Variants in NALCN observed in about 807,000 individuals in gnomAD.
The protein encoded by NALCN is sodium leak channel NALCN.
Under a neutral mutation model 225.3 loss-of-function variants are expected in NALCN, and 111 were observed. The ratio of observed to expected loss-of-function variants is 0.49; its 90% confidence interval spans 0.42 to 0.58. The LOEUF is 0.58. NALCN is among the 20% of genes least tolerant of loss of function. The pLI is 0.00. For synonymous variants in NALCN, 764 were observed against 769.0 expected, an observed-to-expected ratio of 0.99 and a Z score of 0.11; for missense variants, 1,378 against 2,202.4, an observed-to-expected ratio of 0.63 and a Z score of 7.49.
chr13:101,241,723 G>T (rs564627794), intron 11 of NALCN, among the ~76,000 whole-genome samples: 1 of 152,078 alleles, frequency 6.6e-6, no homozygotes, highest in Non-Finnish European at 1.5e-5. Flanking sequence ...GATTACAGGC[G>T]TGAGCCACCA....
At chr13:101,289,525 C>CATATATATATATAT (rs10549837) in intron 9 of NALCN, among the ~76,000 whole-genome samples, 3,078 of 140,518 alleles carry the variant, frequency 0.022, 49 homozygotes, top group Non-Finnish European at 0.032. Context: ...TGAAAATGTG[C>CATATATATATATAT]ATATATATAT....
intron 10 of NALCN, among the ~76,000 whole-genome samples, chr13:101,269,536 G>A (rs1310846937): frequency 1.3e-5 from 2 of 152,202 alleles, no homozygotes; most frequent in Non-Finnish European, 2.9e-5. Flanking sequence ...GAGGGATGCT[G>A]TAACCTAGAT....
At chr13:101,224,342 G>C (rs960761100) in intron 13 of NALCN, among the ~76,000 whole-genome samples, 1 of 152,130 alleles carries the variant, frequency 6.6e-6, no homozygotes, top group African/African-American at 2.4e-5. Context: ...ATCAGTTTCT[G>C]ACTGTTCTAT....
intron 6 of NALCN, among the ~76,000 whole-genome samples, chr13:101,362,255 T>G (rs968722719): frequency 6.6e-6 from 1 of 152,102 alleles, no homozygotes; most frequent in Non-Finnish European, 1.5e-5. Context: ...AAACAGTTTA[T>G]ACATATGGAT....
intron 30 of NALCN, among the ~76,000 whole-genome samples, chr13:101,085,292 T>C (rs1433992240): frequency 6.6e-6 from 1 of 152,110 alleles, no homozygotes; most frequent in Non-Finnish European, 1.5e-5. Context: ...TTAAATATAA[T>C]CGAGTTTATA....
chr13:101,406,003 C>T (rs992718927), intron 1 of NALCN, among the ~76,000 whole-genome samples: 17 of 152,050 alleles, frequency 1.1e-4, no homozygotes, highest in African/African-American at 4.1e-4. Context: ...TTATTATGTG[C>T]CAGTCTGTTT....
chr13:101,204,398 T>G (rs2040237989), intron 13 of NALCN, among the ~76,000 whole-genome samples: 1 of 152,166 alleles, frequency 6.6e-6, no homozygotes. Flanking sequence ...ATATGCTTGT[T>G]GCCAAGCATA....
intron 13 of NALCN, among the ~76,000 whole-genome samples, chr13:101,228,962 G>C (rs183755037): frequency 3.9e-5 from 6 of 152,192 alleles, no homozygotes; most frequent in Admixed American, 3.3e-4. Flanking sequence ...AATCTGAAGA[G>C]CCTATGAATT....
intron 7 of NALCN, among the ~76,000 whole-genome samples, chr13:101,304,990 C>T (rs964641672): frequency 2.1e-4 from 32 of 151,668 alleles, no homozygotes; most frequent in Admixed American, 3.9e-4. Context: ...CTCCTGACCT[C>T]GTGATCCGCC....
intron 15 of NALCN, among the ~76,000 whole-genome samples, chr13:101,175,207 G>T (rs796657226): frequency 1.3e-5 from 2 of 151,656 alleles, no homozygotes; most frequent in South Asian, 4.1e-4. Context: ...ACCTTTCTTG[G>T]TATGCTCCAA....
intron 22 of NALCN, among the ~76,000 whole-genome samples, chr13:101,105,836 C>T (rs558037917): frequency 1.1e-4 from 16 of 152,162 alleles, no homozygotes; most frequent in Non-Finnish European, 2.1e-4. Flanking sequence ...GCAAAGCCCT[C>T]AACTTCTGCA....
At chr13:101,341,107 C>A (rs1056300590) in intron 7 of NALCN, among the ~76,000 whole-genome samples, 7 of 152,184 alleles carry the variant, frequency 4.6e-5, no homozygotes, top group African/African-American at 1.4e-4. Context: ...CATCTTATCT[C>A]TTCTAGATAT....
intron 6 of NALCN, among the ~76,000 whole-genome samples, chr13:101,356,772 C>G (rs2046075354): frequency 6.6e-6 from 1 of 152,080 alleles, no homozygotes; most frequent in Non-Finnish European, 1.5e-5. Flanking sequence ...TGATGAACAT[C>G]AATGCAAAAA....
chr13:101,269,482 G>A (rs2140247463), intron 10 of NALCN, among the ~76,000 whole-genome samples: 1 of 152,266 alleles, frequency 6.6e-6, no homozygotes, highest in South Asian at 2.1e-4. Flanking sequence ...CCAGGCTTCA[G>A]AAAGGCAGTT....
intron 9 of NALCN, among the ~76,000 whole-genome samples, chr13:101,287,104 T>C (rs879836995): frequency 2.0e-5 from 3 of 152,218 alleles, no homozygotes; most frequent in Non-Finnish European, 4.4e-5. Flanking sequence ...CTCAAACATA[T>C]GCCCTTGGCT....
At chr13:101,396,636 T>C (rs1355519626) in intron 2 of NALCN, among the ~76,000 whole-genome samples, 1 of 152,132 alleles carries the variant, frequency 6.6e-6, no homozygotes, top group Non-Finnish European at 1.5e-5. Context: ...TCAGTTTACT[T>C]TAAAGGTTGA....
intron 43 of NALCN, 37 bp downstream of exon 43, chr13:101,057,902 T>C (rs2031458888): frequency 6.6e-7 from 1 of 1,516,536 alleles, no homozygotes; most frequent in African/African-American, 1.4e-5. Flanking sequence ...ACCTTTAAAA[T>C]GCCTCGATCG....
At chr13:101,133,846 G>C (rs74800816) in intron 17 of NALCN, among the ~76,000 whole-genome samples, 1 of 152,166 alleles carries the variant, frequency 6.6e-6, no homozygotes, top group Admixed American at 6.5e-5. Flanking sequence ...TGTGAATTTT[G>C]TGAAGAGAAT....
At chr13:101,165,201 C>T (rs1167845586) in intron 15 of NALCN, among the ~76,000 whole-genome samples, 1 of 152,130 alleles carries the variant, frequency 6.6e-6, no homozygotes, top group Non-Finnish European at 1.5e-5. Context: ...ACATATCTAA[C>T]AAAATTAAGA....
Sources: gnomAD v4.1 joint callset for allele counts (sites outside exome capture counted in the v4.1 genomes callset) on GRCh38, gnomAD v4.1.1 for gene constraint, MANE v1.5 for transcripts, NCBI Gene and HGNC (gene_info 2026-07-23, HGNC 2026-07-21) for gene names.